Variants in DSE observed in about 807,000 individuals in gnomAD.
DSE encodes dermatan-sulfate epimerase.
A neutral mutation model predicts 84.4 loss-of-function variants in DSE; 36 were observed. The ratio of observed to expected loss-of-function variants is 0.43; its 90% confidence interval spans 0.33 to 0.56. DSE has a LOEUF of 0.56. DSE is among the 20% of genes least tolerant of loss of function. The pLI is 0.06. For synonymous variants in DSE, 410 were observed against 430.1 expected (o/e 0.95, Z 0.58); for missense variants, 862 against 1,169.6 (o/e 0.74, Z 3.84).
At chr6:116,292,551 A>G (rs955543487) in intron 2 of DSE, among the ~76,000 whole-genome samples, 17 of 152,190 alleles carry the variant, frequency 1.1e-4, no homozygotes, top group Non-Finnish European at 2.2e-4. Flanking sequence ...AAAAGGGGAA[A>G]GACTGGATGA....
At chr6:116,375,598 G>A (rs1378291167) in intron 1 of DSE, 1 of 971,234 alleles carries the variant, frequency 1.0e-6, no homozygotes, top group African/African-American at 1.8e-5. Context: ...ATAGAAGAGT[G>A]GCTTGATTAG....
chr6:116,260,814 G>C (rs897064591), intron 2 of DSE, among the ~76,000 whole-genome samples: 1 of 152,014 alleles, frequency 6.6e-6, no homozygotes, highest in Admixed American at 6.5e-5. Context: ...CTTATTTCTG[G>C]GTTCTGTATT....
intron 2 of DSE, among the ~76,000 whole-genome samples, chr6:116,350,610 C>G (rs1778249270): frequency 6.6e-6 from 1 of 152,016 alleles, no homozygotes; most frequent in Non-Finnish European, 1.5e-5. Flanking sequence ...TTTGAGGGAA[C>G]AAAAAACCCA....
intron 2 of DSE, among the ~76,000 whole-genome samples, chr6:116,425,629 ATT>A (rs1198347413): frequency 2.2e-5 from 1 of 46,114 alleles, no homozygotes; most frequent in Non-Finnish European, 6.6e-5. Flanking sequence ...ATTTTATTTT[ATT>A]TTTTTTTTTG....
chr6:116,404,879 G>A (rs1278348987), intron 2 of DSE, among the ~76,000 whole-genome samples: 1 of 151,986 alleles, frequency 6.6e-6, no homozygotes, highest in Admixed American at 6.6e-5. Context: ...AATCACAGAG[G>A]AAAGAAATTA....
intron 3 of DSE, 26 bp downstream of exon 3, chr6:116,426,853 T>A: frequency 1.3e-6 from 2 of 1,587,012 alleles, no homozygotes; most frequent in Non-Finnish European, 1.7e-6. Flanking sequence ...GCCAAGGTGA[T>A]GCCTGAGCTG....
intron 2 of DSE, among the ~76,000 whole-genome samples, chr6:116,410,495 A>C (rs1009409300): frequency 1.3e-5 from 2 of 152,184 alleles, no homozygotes; most frequent in Non-Finnish European, 2.9e-5. Context: ...GCACTTTGGT[A>C]GGCAGAGGCA....
At chr6:116,401,968 A>G (rs1288213052) in intron 2 of DSE, among the ~76,000 whole-genome samples, 1 of 151,896 alleles carries the variant, frequency 6.6e-6, no homozygotes, top group African/African-American at 2.4e-5. Flanking sequence ...GGCTGAATGC[A>G]TTTTCCATTT....
chr6:116,293,203 A>G (rs1221944067), intron 2 of DSE, among the ~76,000 whole-genome samples: 1 of 152,216 alleles, frequency 6.6e-6, no homozygotes, highest in Non-Finnish European at 1.5e-5. Context: ...TTGTATTTAA[A>G]GCTGAAGCAA....
At chr6:116,370,071 C>A, upstream of DSE, 2 of 769,190 alleles carry the variant, frequency 2.6e-6, no homozygotes, top group Non-Finnish European at 3.7e-6. Context: ...CCTGGTTGGA[C>A]CTGGCTGAGC....
At chr6:116,382,720 C>T (rs1277726164) in intron 1 of DSE, among the ~76,000 whole-genome samples, 3 of 152,096 alleles carry the variant, frequency 2.0e-5, no homozygotes, top group African/African-American at 7.2e-5. Flanking sequence ...AAGGATTTTA[C>T]TGAGGAGTCA....
At chr6:116,304,598 A>G (rs982419354) in intron 2 of DSE, among the ~76,000 whole-genome samples, 5 of 152,134 alleles carry the variant, frequency 3.3e-5, no homozygotes, top group African/African-American at 1.2e-4. Context: ...TTTTGCTTAG[A>G]AGAGCTTTTG....
At chr6:116,430,884 A>G (rs972818633) in intron 3 of DSE, 70 bp from the exon 4 acceptor site, 9 of 1,576,726 alleles carry the variant, frequency 5.7e-6, no homozygotes, top group Admixed American at 1.8e-5. Flanking sequence ...AGAGGGTTTT[A>G]TTGGCCATAT....
intron 2 of DSE, among the ~76,000 whole-genome samples, chr6:116,320,164 G>T (rs1445075842): frequency 1.3e-5 from 2 of 152,152 alleles, no homozygotes; most frequent in Non-Finnish European, 2.9e-5. Flanking sequence ...AGAATAGACA[G>T]CTTTACCAGC....
chr6:116,367,899 C>T (rs1216213044), upstream of DSE, among the ~76,000 whole-genome samples: 1 of 152,174 alleles, frequency 6.6e-6, no homozygotes, highest in African/African-American at 2.4e-5. Context: ...GATGGAGTTC[C>T]AGTTTTTGCC....
At position 116,397,044 on chromosome 6, in the gene DSE, A is replaced by C. The variant is rs564177357; in HGVS notation, c.-53-2154A>C. ...TGGTAGTTGAGGGATCTTTCACTGC[A>C]TGTACGTTGGGTGTGTGTATGGGGG... On this transcript the variant is annotated intron_variant, in intron 1 of 5. Coordinates refer to ENST00000644252, the MANE Select transcript of DSE (RefSeq NM_013352.4). Among the ~76,000 whole-genome samples the C allele has an allele frequency of 2.6e-4, 39 of 152,146 alleles. No individual in the cohort carries two copies. The South Asian group carries it at 8.1e-3, about 32-fold the overall frequency.
At chr6:116,407,032 A>G (rs1781975423) in intron 2 of DSE, among the ~76,000 whole-genome samples, 3 of 151,314 alleles carry the variant, frequency 2.0e-5, no homozygotes, top group Admixed American at 2.0e-4. Flanking sequence ...TAAGAGACAT[A>G]TAAGACTGAA....
At chr6:116,352,664 T>C (rs1778369859) in intron 2 of DSE, among the ~76,000 whole-genome samples, 2 of 151,978 alleles carry the variant, frequency 1.3e-5, no homozygotes, top group Admixed American at 6.5e-5. Context: ...CAGCCTCAGA[T>C]GTTTGTGTTG....
rs1346081335 is a variant in DSE, at chr6:116,429,737, A to G, written c.671-1217A>G. On this transcript the variant is annotated intron_variant, in intron 3 of 5. Coordinates refer to ENST00000644252, the MANE Select transcript of DSE (RefSeq NM_013352.4). ...GCCGAGGCGGGCGGATCACGAGGTCAGGAGATCGAGACCATCCTGGCTAAC... is the reference window on the plus strand; with the variant it reads ...GCCGAGGCGGGCGGATCACGAGGTCGGGAGATCGAGACCATCCTGGCTAAC... 2.8e-5 allele frequency among the ~76,000 whole-genome samples: 2 copies of G among 71,226 alleles called. 1 individual carries two copies. The highest frequency in any genetic ancestry group is 5.8e-5 in the Non-Finnish European group (2 of 34,438). 46.7% of individuals were successfully genotyped at this position (71,226 alleles called of 152,430 possible).
Sources: allele counts gnomAD v4.1 joint callset (sites outside exome capture counted in the v4.1 genomes callset), GRCh38; gene constraint gnomAD v4.1.1; transcripts MANE v1.5; gene names NCBI Gene and HGNC (gene_info 2026-07-23, HGNC 2026-07-21).